Variants in CTNNA3 observed in about 807,000 individuals in gnomAD.
The protein encoded by CTNNA3 is catenin alpha-3.
Under a neutral mutation model 95.7 loss-of-function variants are expected in CTNNA3, and 76 were observed. The ratio of observed to expected loss-of-function variants is 0.79; its 90% CI spans 0.66 to 0.96. The LOEUF (loss-of-function observed/expected upper bound fraction) is 0.96. Among genes scored for constraint, CTNNA3 ranks in the 40% least tolerant of loss-of-function variants. The pLI, the probability that CTNNA3 is intolerant of heterozygous loss-of-function variation, is 0.00. For missense variants in CTNNA3, 1,191 were observed against 1,089.8 expected (o/e 1.09, Z -1.31); for synonymous variants, 431 against 374.4 (o/e 1.15, Z -1.74).
intron 9 of CTNNA3, among the ~76,000 whole-genome samples, chr10:66,652,096 C>CAAAAAAAA (rs1224810788): frequency 6.4e-5 from 1 of 15,664 alleles, no homozygotes; most frequent in Non-Finnish European, 1.4e-4. Flanking sequence ...CCTCAAGGAA[C>CAAAAAAAA]TAAAAAAAAA....
chr10:66,465,415 A>G (rs1409764175), intron 11 of CTNNA3, among the ~76,000 whole-genome samples: 2 of 152,150 alleles, frequency 1.3e-5, no homozygotes, highest in African/African-American at 2.4e-5. Context: ...TCTTTCAGAA[A>G]TTACCCAGCA....
intron 13 of CTNNA3, among the ~76,000 whole-genome samples, chr10:66,128,872 TTG>T (rs142136479): frequency 2.9e-4 from 44 of 149,582 alleles, no homozygotes; most frequent in Middle Eastern, 3.4e-3. Flanking sequence ...CTGTGTGAGT[TTG>T]TGTGTGTGTG....
chr10:67,451,107 G>C (rs2132962000), intron 5 of CTNNA3, among the ~76,000 whole-genome samples: 1 of 152,126 alleles, frequency 6.6e-6, no homozygotes, highest in East Asian at 1.9e-4. Context: ...TATCTCAGGA[G>C]TGGGCTCCTG....
chr10:66,274,674 T>C (rs1278687062), intron 13 of CTNNA3, among the ~76,000 whole-genome samples: 1 of 152,202 alleles, frequency 6.6e-6, no homozygotes, highest in Non-Finnish European at 1.5e-5. Flanking sequence ...TAATGAACTT[T>C]ATTAATATCT....
chr10:67,599,997 T>C (rs1037759964), intron 3 of CTNNA3, among the ~76,000 whole-genome samples: 3 of 152,142 alleles, frequency 2.0e-5, no homozygotes, highest in African/African-American at 4.8e-5. Flanking sequence ...AGAATAGATA[T>C]ATAAATCAAA....
chr10:66,070,748 T>C (rs115593707), intron 14 of CTNNA3, among the ~76,000 whole-genome samples: 3,257 of 152,224 alleles, frequency 0.021, 109 homozygotes, highest in African/African-American at 0.075. Flanking sequence ...ATGACAGTAA[T>C]TGCAACTGCT....
At chr10:66,216,082 C>G (rs1403490137) in intron 13 of CTNNA3, among the ~76,000 whole-genome samples, 1 of 152,186 alleles carries the variant, frequency 6.6e-6, no homozygotes, top group Non-Finnish European at 1.5e-5. Context: ...TTGATTAACC[C>G]CTGTTCAGGG....
intron 3 of CTNNA3, among the ~76,000 whole-genome samples, chr10:67,566,637 C>G (rs956761064): frequency 5.7e-4 from 87 of 152,004 alleles, no homozygotes; most frequent in South Asian, 1.3e-3. Flanking sequence ...TCTAGAACTA[C>G]AAATACCATT....
chr10:67,253,758 G>A (rs570034548), intron 5 of CTNNA3, among the ~76,000 whole-genome samples: 2 of 152,276 alleles, frequency 1.3e-5, no homozygotes, highest in East Asian at 1.9e-4. Context: ...AATGAAAAAC[G>A]ATGGTGATGA....
intron 11 of CTNNA3, among the ~76,000 whole-genome samples, chr10:66,470,839 T>G (rs1197074192): frequency 1.3e-5 from 2 of 151,958 alleles, no homozygotes; most frequent in Middle Eastern, 3.4e-3. Context: ...TTGAAAAGAA[T>G]AGACTGCATG....
At chr10:67,060,694 T>C (rs1925594) in intron 7 of CTNNA3, among the ~76,000 whole-genome samples, 20,418 of 152,082 alleles carry the variant, frequency 0.13, 1,822 homozygotes, top group African/African-American at 0.25. Flanking sequence ...TCTTCTACCA[T>C]GGCCAGTGAG....
At chr10:66,127,427 A>C (rs906785315) in intron 13 of CTNNA3, among the ~76,000 whole-genome samples, 3 of 152,158 alleles carry the variant, frequency 2.0e-5, no homozygotes, top group Non-Finnish European at 4.4e-5. Flanking sequence ...TCTTCCTCCC[A>C]AAACCACATA....
chr10:67,691,951 G>GC (rs1395651842), intron 1 of CTNNA3, among the ~76,000 whole-genome samples: 2 of 148,426 alleles, frequency 1.3e-5, no homozygotes, highest in Admixed American at 6.7e-5. Flanking sequence ...AGGGGGGTCA[G>GC]CCCCCCACCC....
chr10:65,968,835 C>T (rs1270756495), intron 16 of CTNNA3, among the ~76,000 whole-genome samples: 1 of 152,198 alleles, frequency 6.6e-6, no homozygotes, highest in Non-Finnish European at 1.5e-5. Flanking sequence ...CATATCTAGG[C>T]ACACCTCTTG....
intron 6 of CTNNA3, among the ~76,000 whole-genome samples, chr10:67,186,619 T>G (rs1862861576): frequency 6.6e-6 from 1 of 152,186 alleles, no homozygotes; most frequent in African/African-American, 2.4e-5. Context: ...TGGCACTGGA[T>G]TTGTTTAAGA....
chr10:66,195,373 G>C (rs1589695739), intron 13 of CTNNA3, among the ~76,000 whole-genome samples: 1 of 152,038 alleles, frequency 6.6e-6, no homozygotes, highest in South Asian at 2.1e-4. Flanking sequence ...GATTAAAAAG[G>C]CAATATTTAC....
chr10:66,492,331 T>C lies in CTNNA3; in HGVS notation c.1531+28286A>G, dbSNP rs376982677. On this transcript the variant is annotated intron_variant, in intron 11 of 17. Transcript: ENST00000433211. ...CAATGTCTCACTCTGTCACCCAGGC[T>C]ACAGTGCAGTGGTGCAATCATAGCT... 3.9e-4 allele frequency among the ~76,000 whole-genome samples: 59 copies of C among 152,296 alleles called. 1 individual carries two copies. In the South Asian group the frequency reaches 0.012, roughly 31 times the overall value.
At chr10:67,062,978 T>C (rs529460030) in intron 7 of CTNNA3, among the ~76,000 whole-genome samples, 2 of 152,272 alleles carry the variant, frequency 1.3e-5, no homozygotes, top group South Asian at 2.1e-4. Context: ...GTTTTGTTTT[T>C]TTTTCTGATC....
chr10:66,727,706 C>G (rs1564642958), intron 9 of CTNNA3, among the ~76,000 whole-genome samples: 2 of 152,030 alleles, frequency 1.3e-5, no homozygotes, highest in Non-Finnish European at 2.9e-5. Flanking sequence ...TCAGCAGTAG[C>G]TTTAACTAAT....
Sources: gnomAD v4.1 joint callset for allele counts (sites outside exome capture counted in the v4.1 genomes callset) on GRCh38, gnomAD v4.1.1 for gene constraint, MANE v1.5 for transcripts, NCBI Gene and HGNC (gene_info 2026-07-23, HGNC 2026-07-21) for gene names.